Variants in PALS1 observed in about 807,000 individuals in gnomAD.
PALS1 encodes protein PALS1.
Under a neutral mutation model 78.9 loss-of-function variants are expected in PALS1, and 31 were observed. The ratio of observed to expected loss-of-function variants is 0.39; its 90% CI spans 0.30 to 0.53. PALS1 has a LOEUF of 0.53. Among genes scored for constraint, PALS1 ranks in the 20% least tolerant of loss-of-function variants. The pLI is 0.67. For missense variants in PALS1, 704 were observed against 826.5 expected, an observed-to-expected ratio of 0.85 and a Z score of 1.82; for synonymous variants, 276 against 270.9, an observed-to-expected ratio of 1.02 and a Z score of -0.18.
At chr14:67,299,356 CAA>C (rs35540548) in intron 4 of PALS1, among the ~76,000 whole-genome samples, 23,449 of 151,840 alleles carry the variant, frequency 0.15, 3,383 homozygotes, top group East Asian at 0.41. Flanking sequence ...GGATATATAC[CAA>C]AGTGATTATC....
chr14:67,257,080 C>T (rs1316623694), intron 1 of PALS1, among the ~76,000 whole-genome samples: 4 of 152,034 alleles, frequency 2.6e-5, no homozygotes, highest in African/African-American at 4.8e-5. Flanking sequence ...TCCGGTAAGA[C>T]GGAACAACTT....
At chr14:67,281,504 C>CTAT (rs1295508497) in intron 3 of PALS1, among the ~76,000 whole-genome samples, 2 of 152,088 alleles carry the variant, frequency 1.3e-5, no homozygotes, top group East Asian at 3.9e-4. Flanking sequence ...TCCCACCACT[C>CTAT]TATTATTATT....
intron 11 of PALS1, among the ~76,000 whole-genome samples, chr14:67,318,838 A>G (rs1246314922): frequency 6.6e-6 from 1 of 152,090 alleles, no homozygotes; most frequent in Non-Finnish European, 1.5e-5. Flanking sequence ...CAGGCGGATC[A>G]CGAGGTCAGG....
intron 4 of PALS1, among the ~76,000 whole-genome samples, chr14:67,295,705 C>T (rs184978825): frequency 6.6e-6 from 1 of 152,278 alleles, no homozygotes; most frequent in Admixed American, 6.5e-5. Context: ...ATTTAAAAGA[C>T]TGTCAGTATT....
At chr14:67,325,979 CTT>C (rs61592505) in intron 14 of PALS1, among the ~76,000 whole-genome samples, 6 of 110,220 alleles carry the variant, frequency 5.4e-5, no homozygotes, top group African/African-American at 2.3e-4. Context: ...CGGCTCTTTT[CTT>C]TTTTTTTTTT....
intron 1 of PALS1, among the ~76,000 whole-genome samples, chr14:67,266,939 A>G (rs1481797643): frequency 6.6e-6 from 1 of 151,758 alleles, no homozygotes; most frequent in African/African-American, 2.4e-5. Context: ...GTGAAACCCT[A>G]TCTCTACTAA....
chr14:67,313,776 A>G (rs965442190), intron 9 of PALS1, among the ~76,000 whole-genome samples: 2 of 152,096 alleles, frequency 1.3e-5, no homozygotes, highest in African/African-American at 2.4e-5. Flanking sequence ...ACACTTATGT[A>G]TATTTTTTTC....
intron 3 of PALS1, among the ~76,000 whole-genome samples, chr14:67,288,094 C>A (rs1256285738): frequency 6.6e-6 from 1 of 151,340 alleles, no homozygotes; most frequent in African/African-American, 2.4e-5. Flanking sequence ...TTTTTTTTTC[C>A]TTCGAGACAG....
chr14:67,263,228 A>G (rs186076595), intron 1 of PALS1, among the ~76,000 whole-genome samples: 1 of 152,322 alleles, frequency 6.6e-6, no homozygotes, highest in Admixed American at 6.5e-5. Context: ...TAGGGACCCT[A>G]ATTTGTCTAA....
At chr14:67,257,860 T>C (rs1281000388) in intron 1 of PALS1, among the ~76,000 whole-genome samples, 3 of 152,286 alleles carry the variant, frequency 2.0e-5, no homozygotes, top group African/African-American at 7.2e-5. Flanking sequence ...AATTTTGTGT[T>C]ACACAACTAT....
chr14:67,327,694 G>T (rs1173097188), intron 14 of PALS1, among the ~76,000 whole-genome samples: 1 of 151,988 alleles, frequency 6.6e-6, no homozygotes, highest in Non-Finnish European at 1.5e-5. Context: ...CTGTGTCCTG[G>T]TGTTCTCATT....
intron 1 of PALS1, among the ~76,000 whole-genome samples, chr14:67,256,972 A>C (rs1277477603): frequency 6.6e-6 from 1 of 152,210 alleles, no homozygotes; most frequent in African/African-American, 2.4e-5. Flanking sequence ...ACACAGCCTC[A>C]GGAGGTCCTG....
chr14:67,323,450 A>G (rs1049728342), intron 13 of PALS1, among the ~76,000 whole-genome samples: 1 of 151,644 alleles, frequency 6.6e-6, no homozygotes, highest in Non-Finnish European at 1.5e-5. Context: ...TCCTGTCTCT[A>G]CAAAAAAGTA....
At chr14:67,277,059 G>GC (rs1489927461) in intron 2 of PALS1, among the ~76,000 whole-genome samples, 1 of 152,162 alleles carries the variant, frequency 6.6e-6, no homozygotes, top group East Asian at 1.9e-4. Context: ...TTAAAACTAA[G>GC]CATAGCACTG....
At position 67,333,633 on chromosome 14, in the gene PALS1, C is replaced by G. The variant is rs780843902; in HGVS notation, c.*677C>G. ...GATCAGACTCTACACTCAACACACT[C>G]TAATCTACTTAAAGGTATACAAAAT... On this transcript the variant is annotated 3_prime_UTR_variant, in exon 15 of 15. Transcript: ENST00000261681. The G allele has an allele frequency of 2.0e-5, 3 of 152,608 alleles. No homozygotes were observed. The highest frequency in any genetic ancestry group is 2.9e-5 in the Non-Finnish European group (2 of 68,034). 9.5% of individuals were successfully genotyped at this position (152,608 alleles called of 1,614,324 possible). A position where few individuals can be genotyped will look rare whatever the true frequency, so the allele number is the denominator to read the frequency against.
At chr14:67,277,822 A>G (rs1403597481) in intron 2 of PALS1, among the ~76,000 whole-genome samples, 2 of 152,134 alleles carry the variant, frequency 1.3e-5, no homozygotes, top group African/African-American at 2.4e-5. Flanking sequence ...TGTCAATCCT[A>G]TGAATAAAGC....
At position 67,334,489 on chromosome 14, in the gene PALS1, T is replaced by C. The variant is rs1197808640; in HGVS notation, c.*1533T>C. 6.6e-6 allele frequency: 1 copy of C among 152,624 alleles called. No homozygotes were observed. The highest frequency in any genetic ancestry group is 2.4e-5 in the African/African-American group (1 of 41,448). 9.5% of individuals were successfully genotyped at this position (152,624 alleles called of 1,614,324 possible). On this transcript the variant is annotated 3_prime_UTR_variant, in exon 15 of 15. Transcript: ENST00000261681. ...TCATTTAATTTAACATAAGCAATTA[T>C]GTTTAAGGAGTAATTTGTGTCATGT...
intron 4 of PALS1, among the ~76,000 whole-genome samples, chr14:67,295,409 A>G (rs1595593448): frequency 6.6e-6 from 1 of 151,698 alleles, no homozygotes; most frequent in African/African-American, 2.4e-5. Context: ...AGAATCACTT[A>G]AACCCGGGAG....
chr14:67,332,512 G>A (rs1040353990), intron 14 of PALS1, among the ~76,000 whole-genome samples: 1 of 152,142 alleles, frequency 6.6e-6, no homozygotes, highest in African/African-American at 2.4e-5. Flanking sequence ...AGTTTTGTTG[G>A]TGAGATAAGA....
Sources: allele counts gnomAD v4.1 joint callset (sites outside exome capture counted in the v4.1 genomes callset), GRCh38; gene constraint gnomAD v4.1.1; transcripts MANE v1.5; gene names NCBI Gene and HGNC (gene_info 2026-07-23, HGNC 2026-07-21).